The following EPS15L1 variants were observed in gnomAD, a reference collection of about 807,000 sequenced individuals.
EPS15L1 encodes the protein epidermal growth factor receptor substrate 15-like 1.
A neutral mutation model predicts 117.1 loss-of-function variants in EPS15L1; 43 were observed. That is an observed-to-expected ratio of 0.37 (90% CI 0.29 to 0.47). The LOEUF is 0.47. Among genes scored for constraint, EPS15L1 ranks in the 20% least tolerant of loss-of-function variants. EPS15L1 has a pLI of 0.99. For missense variants in EPS15L1, 981 were observed against 1,164.0 expected (o/e 0.84, Z 2.29); for synonymous variants, 459 against 470.5 (o/e 0.98, Z 0.32).
At chr19:16,413,251 G>A in intron 13 of EPS15L1, 2 of 644,918 alleles carry the variant, frequency 3.1e-6, no homozygotes, top group Non-Finnish European at 5.6e-6. Context: ...AAGGTGACAG[G>A]CCACTGCAAC....
At chr19:16,448,985 A>G (rs1432060756) in intron 1 of EPS15L1, among the ~76,000 whole-genome samples, 1 of 151,860 alleles carries the variant, frequency 6.6e-6, no homozygotes, top group Non-Finnish European at 1.5e-5. Flanking sequence ...AAATTAGAAC[A>G]TGGGCAAGCC....
chr19:16,355,691 C>T lies in EPS15L1; in HGVS notation c.*14G>A, dbSNP rs2091971097. 1 of 1,534,300 alleles carries T rather than the reference C, an allele frequency of 6.5e-7. No individual in the cohort carries two copies. Among genetic ancestry groups the T allele is most frequent in the East Asian group, 2.4e-5 (1 of 40,844 alleles). Reference sequence around the variant, plus strand: ...ACCCGCCCGTGCCCTGTCCCGCCTACACACGGCCCTCGCCTAGGCGGCAGG... The same window carrying T: ...ACCCGCCCGTGCCCTGTCCCGCCTATACACGGCCCTCGCCTAGGCGGCAGG... On this transcript the variant is annotated 3_prime_UTR_variant, in exon 24 of 24. Transcript: ENST00000455140.
At chr19:16,458,735 C>T (rs1264574854) in intron 1 of EPS15L1, among the ~76,000 whole-genome samples, 6 of 152,124 alleles carry the variant, frequency 3.9e-5, no homozygotes, top group Non-Finnish European at 5.9e-5. Context: ...CACATGTACA[C>T]TCAGGCTCAC....
At chr19:16,448,691 G>A (rs942652567) in intron 1 of EPS15L1, among the ~76,000 whole-genome samples, 4 of 151,614 alleles carry the variant, frequency 2.6e-5, no homozygotes, top group African/African-American at 9.7e-5. Flanking sequence ...TTAGCTGGGT[G>A]TAGTGGTGTG....
intron 7 of EPS15L1, among the ~76,000 whole-genome samples, chr19:16,432,888 G>A (rs552804020): frequency 2.7e-5 from 4 of 149,976 alleles, no homozygotes; most frequent in East Asian, 2.0e-4. Context: ...TTGCAGCCTC[G>A]ACTTCCCAGG....
intron 1 of EPS15L1, among the ~76,000 whole-genome samples, chr19:16,465,030 A>G (rs926190532): frequency 3.9e-5 from 6 of 151,942 alleles, no homozygotes; most frequent in Admixed American, 6.6e-5. Context: ...AGTGAGCCGA[A>G]ATTGCACCAC....
chr19:16,369,564 A>G (rs1299964907), intron 22 of EPS15L1, among the ~76,000 whole-genome samples: 1 of 152,126 alleles, frequency 6.6e-6, no homozygotes, highest in Non-Finnish European at 1.5e-5. Flanking sequence ...CAAAAGGCAA[A>G]TATCATTTGA....
rs144623166 is a variant in EPS15L1, at chr19:16,361,784, T to C, written c.2581A>G (p.Thr861Ala). 991 of 1,612,058 alleles carry C rather than the reference T, an allele frequency of 6.1e-4. 2 individuals carry two copies. The highest frequency in any genetic ancestry group is 7.9e-4 in the Non-Finnish European group (926 of 1,179,288). The change falls in exon 23 of 24, where the codon ACC becomes GCC. Residue 861 changes from threonine to alanine, a missense_variant. This residue lies in a region of EPS15L1 where 819 missense variants were observed against 949.0 expected (regional missense o/e 0.86). Transcript: ENST00000455140. Reference sequence around the variant, plus strand: ...AGGCGGAGGACTCAACTTACAGAGGTGAAGTCTGCAAAGCCCGAGGCAGAG... The same window carrying C: ...AGGCGGAGGACTCAACTTACAGAGGCGAAGTCTGCAAAGCCCGAGGCAGAG... ...KASASGFADFTSFGNEEQQLA... is the reference protein window; with the variant it reads ...KASASGFADFASFGNEEQQLA...
At chr19:16,402,605 G>T in intron 15 of EPS15L1, 120 bp from the exon 16 acceptor site, 2 of 950,304 alleles carry the variant, frequency 2.1e-6, no homozygotes, top group Middle Eastern at 3.2e-4. Flanking sequence ...GTAGTGGAGT[G>T]ATCATAGCTC....
At position 16,402,362 on chromosome 19, in the gene EPS15L1, C is replaced by T. The variant is rs1378141696; in HGVS notation, c.1750G>A (p.Glu584Lys). Reference sequence around the variant, plus strand: ...CCCCTCTCTGCCAGGGAGACGCCTTCGCTCAGGTTGGCCAGGTCGGTCAGG... The same window carrying T: ...CCCCTCTCTGCCAGGGAGACGCCTTTGCTCAGGTTGGCCAGGTCGGTCAGG... ...ASLTDLANLS[E>K]GVSLAERGSF... The change falls in exon 16 of 24, where the codon GAA becomes AAA. Residue 584 changes from glutamate to lysine, a missense_variant. Physicochemically the swap from Glu to Lys is moderately conservative, Grantham distance 56. This residue lies in a region of EPS15L1 where 819 missense variants were observed against 949.0 expected (regional missense o/e 0.86). Coordinates refer to ENST00000455140, the MANE Select transcript of EPS15L1 (RefSeq NM_001258374.3). 4.2e-5 allele frequency: 68 copies of T among 1,613,810 alleles called. No homozygotes were observed. Among genetic ancestry groups the T allele is most frequent in the Admixed American group, 5.0e-5 (3 of 59,940 alleles).
intron 16 of EPS15L1, among the ~76,000 whole-genome samples, chr19:16,397,898 T>C (rs1366446441): frequency 6.6e-6 from 1 of 152,174 alleles, no homozygotes; most frequent in African/African-American, 2.4e-5. Context: ...AATGTTTCAC[T>C]GTGATATTAA....
At chr19:16,441,723 C>T (rs2093033684) in intron 3 of EPS15L1, 169 bp downstream of exon 3, 1 of 517,860 alleles carries the variant, frequency 1.9e-6, no homozygotes, top group Admixed American at 3.2e-5. Context: ...TGGGGGCTGC[C>T]ACCTGGGCAT....
rs199591941 is a variant in EPS15L1 at position 16,437,043 on chromosome 19, A to T, written c.310-44T>A. 178 of 1,563,122 alleles carry T rather than the reference A, an allele frequency of 1.1e-4. No homozygotes were observed. The African/African-American group carries it at 2.2e-3, about 20-fold the overall frequency. ...ATTCCTTTGTGGCTGGCACAGAATT[A>T]AATCATAGGTGGGTGGGTTTGCTGA... On this transcript the variant is annotated intron_variant, in intron 5 of 23. Coordinates refer to ENST00000455140, the MANE Select transcript of EPS15L1 (RefSeq NM_001258374.3).
At chr19:16,464,856 G>A (rs2093287257) in intron 1 of EPS15L1, among the ~76,000 whole-genome samples, 1 of 152,134 alleles carries the variant, frequency 6.6e-6, no homozygotes, top group South Asian at 2.1e-4. Flanking sequence ...GGCCAAGGCG[G>A]GCAGATCACA....
intron 1 of EPS15L1, among the ~76,000 whole-genome samples, chr19:16,465,142 T>C (rs893734124): frequency 7.9e-5 from 12 of 151,966 alleles, no homozygotes; most frequent in African/African-American, 2.9e-4. Context: ...CAAATTTGTG[T>C]TGGGCTGCAT....
intron 21 of EPS15L1, among the ~76,000 whole-genome samples, chr19:16,382,552 A>G (rs2144727969): frequency 6.6e-6 from 1 of 152,220 alleles, no homozygotes; most frequent in African/African-American, 2.4e-5. Context: ...CTAAATATCA[A>G]TGCACAGCTT....
Position 16,404,022 on chromosome 19 carries a change from C to A in EPS15L1, c.1429-92G>T. 1 of 1,252,364 alleles carries A rather than the reference C, an allele frequency of 8.0e-7. No individual in the cohort carries two copies. Among genetic ancestry groups the A allele is most frequent in the Non-Finnish European group, 1.1e-6 (1 of 890,980 alleles). The allele number at this position is 1,252,364 out of a possible 1,614,324, so 77.6% of individuals were successfully genotyped here. A position where few individuals can be genotyped will look rare whatever the true frequency, so the allele number is the denominator to read the frequency against. On this transcript the variant is annotated intron_variant, in intron 14 of 23. Coordinates refer to ENST00000455140, the MANE Select transcript of EPS15L1 (RefSeq NM_001258374.3). The surrounding 1 kb of genome is among the most constrained non-coding windows in gnomAD (Gnocchi z 4.2). ...GAACTCTTAGCCCCCATCCCCGAAACAAGCTAAGCCAGGGACGCAGACACC... is the reference window on the plus strand; with the variant it reads ...GAACTCTTAGCCCCCATCCCCGAAAAAAGCTAAGCCAGGGACGCAGACACC...
intron 1 of EPS15L1, among the ~76,000 whole-genome samples, chr19:16,449,285 CGAA>C (rs917895186): frequency 4.0e-5 from 6 of 151,422 alleles, no homozygotes; most frequent in East Asian, 1.9e-4. Context: ...CAAAAAAACA[CGAA>C]GAAGAAAAGA....
Position 16,392,348 on chromosome 19 carries a change from A to T in EPS15L1, c.2059T>A (p.Phe687Ile), listed in dbSNP as rs2092485884. 5 of 1,614,074 alleles carry T rather than the reference A, an allele frequency of 3.1e-6. No homozygotes were observed. Among genetic ancestry groups the T allele is most frequent in the Non-Finnish European group, 4.2e-6 (5 of 1,180,026 alleles). The change falls in exon 19 of 24, where the codon TTT becomes ATT. Residue 687 changes from phenylalanine to isoleucine, a missense_variant. By Grantham distance (21) the Phe-to-Ile change is conservative. Coordinates refer to ENST00000455140, the MANE Select transcript of EPS15L1 (RefSeq NM_001258374.3). The stretch of plus-strand genomic sequence containing the variant: ...TTTTTCGTGAATGGATCCGAGGTAA[A>T]TGGGTCATTCTTTGTCTGTTTCTTG... Reference protein sequence around the residue: ...FFKKQTKNDPFTSDPFTKNPS... With the variant: ...FFKKQTKNDPITSDPFTKNPS...
Sources: allele counts gnomAD v4.1 joint callset (sites outside exome capture counted in the v4.1 genomes callset), GRCh38; gene constraint gnomAD v4.1.1; regional missense constraint gnomAD v4.1.1; non-coding constraint Gnocchi (gnomAD v3.1); transcripts MANE v1.5; gene names NCBI Gene and HGNC (gene_info 2026-07-23, HGNC 2026-07-21).